USP6NL: variants seen among roughly 807,000 people sequenced by gnomAD.
USP6NL encodes the protein USP6 N-terminal-like protein.
USP6NL carries 26 observed loss-of-function variants against 61.9 expected under a neutral mutation model. That is an observed-to-expected ratio of 0.42 (90% CI 0.31 to 0.58). The LOEUF is 0.58. Ranked by LOEUF, USP6NL falls within the 20% of genes least tolerant of loss-of-function variation. USP6NL has a pLI of 0.16. For synonymous variants in USP6NL, 432 were observed against 390.1 expected (o/e 1.11, Z -1.27); for missense variants, 1,114 against 1,034.3 (o/e 1.08, Z -1.06).
chr10:11,551,705 G>A (rs1836496218), intron 2 of USP6NL, among the ~76,000 whole-genome samples: 1 of 152,150 alleles, frequency 6.6e-6, no homozygotes, highest in Admixed American at 6.5e-5. Flanking sequence ...ACTTAACTAT[G>A]TTTAACGTCT....
rs1838021558 is a variant in USP6NL, at chr10:11,587,677, G to C, written c.4+9954C>G. On this transcript the variant is annotated intron_variant, in intron 2 of 14. Coordinates refer to ENST00000609104, the MANE Select transcript of USP6NL (RefSeq NM_014688.5). This position sits in a 1 kb window ranked among gnomAD's most constrained non-coding sequence, Gnocchi z 4.5. ...TTATAAAATAATTCGATTCAATACTGCTATACTTTATACCTTCATAGCATT... is the reference window on the plus strand; with the variant it reads ...TTATAAAATAATTCGATTCAATACTCCTATACTTTATACCTTCATAGCATT... Among the ~76,000 whole-genome samples, 1 of 152,092 alleles carries C rather than the reference G, an allele frequency of 6.6e-6. No individual in the cohort carries two copies. Among genetic ancestry groups the C allele is most frequent in the African/African-American group, 2.4e-5 (1 of 41,396 alleles).
chr10:11,525,557 T>C lies in USP6NL; in HGVS notation c.73-89A>G, dbSNP rs1209556408. The C allele has an allele frequency of 2.7e-6, 3 of 1,120,848 alleles. No homozygotes were observed. In the East Asian group the frequency reaches 8.6e-5, roughly 32 times the overall value. 69.4% of individuals were successfully genotyped at this position (1,120,848 alleles called of 1,614,324 possible). A position where few individuals can be genotyped will look rare whatever the true frequency, so the allele number is the denominator to read the frequency against. On this transcript the variant is annotated intron_variant, in intron 3 of 14. Transcript: ENST00000609104. The surrounding 1 kb of genome is among the most constrained non-coding windows in gnomAD (Gnocchi z 5.0). ...AAAAGGACGAAGAAATAAGAGCTATTTTTAATGTATTACTAAAAATAAGAG... is the reference window on the plus strand; with the variant it reads ...AAAAGGACGAAGAAATAAGAGCTATCTTTAATGTATTACTAAAAATAAGAG...
chr10:11,525,442 A>C lies in USP6NL; in HGVS notation c.99T>G (p.Pro33=). The C allele has an allele frequency of 6.3e-7, 1 of 1,598,066 alleles. No individual in the cohort carries two copies. Among genetic ancestry groups the C allele is most frequent in the South Asian group, 1.1e-5 (1 of 87,232 alleles). Reference sequence around the variant, plus strand: ...AAACAAGGTAATCAGCATCTTCCCAAGGTTCAATCTCTGCACCTTCTCGTC... The same window carrying C: ...AAACAAGGTAATCAGCATCTTCCCACGGTTCAATCTCTGCACCTTCTCGTC... ...DRGREGAEIE[P]WEDADYLVYK... The change falls in exon 4 of 15, where the codon CCT becomes CCG. Residue 33 remains proline, a synonymous_variant. Coordinates refer to ENST00000609104, the MANE Select transcript of USP6NL (RefSeq NM_014688.5). The surrounding 1 kb of genome is among the most constrained non-coding windows in gnomAD (Gnocchi z 5.0).
chr10:11,466,660 A>G (rs1216891654), intron 14 of USP6NL, among the ~76,000 whole-genome samples: 1 of 152,210 alleles, frequency 6.6e-6, no homozygotes, highest in Admixed American at 6.5e-5. Flanking sequence ...TGACAGGCAT[A>G]TGTTCTGAGA....
intron 2 of USP6NL, among the ~76,000 whole-genome samples, chr10:11,583,731 A>T (rs867895302): frequency 9.3e-4 from 141 of 152,344 alleles, no homozygotes; most frequent in Middle Eastern, 3.4e-3. Context: ...ATTAGTTTTT[A>T]AAAAATTCGT....
At chr10:11,605,935 T>C (rs529478186) in intron 1 of USP6NL, among the ~76,000 whole-genome samples, 2 of 152,052 alleles carry the variant, frequency 1.3e-5, no homozygotes, top group East Asian at 1.9e-4. Flanking sequence ...AGCAAGAGAA[T>C]AGGGAAAAGC....
Position 11,490,299 on chromosome 10 carries a change from G to A in USP6NL, c.543+533C>T, listed in dbSNP as rs1265612247. On this transcript the variant is annotated intron_variant, in intron 9 of 14. Transcript: ENST00000609104. This position sits in a 1 kb window ranked among gnomAD's most constrained non-coding sequence, Gnocchi z 4.5. ...GTCCAACACAAATTAATCTATCCCA[G>A]ATTATCTTCTCCCCCAACAATGCTG... Among the ~76,000 whole-genome samples, 1 of 152,160 alleles carries A rather than the reference G, an allele frequency of 6.6e-6. No homozygotes were observed. The highest frequency in any genetic ancestry group is 1.5e-5 in the Non-Finnish European group (1 of 68,040).
chr10:11,496,930 A>G lies in USP6NL; in HGVS notation c.385-3702T>C, dbSNP rs1405389471. On this transcript the variant is annotated intron_variant, in intron 7 of 14. Transcript: ENST00000609104. This position sits in a 1 kb window ranked among gnomAD's most constrained non-coding sequence, Gnocchi z 5.4. Reference sequence around the variant, plus strand: ...TTAAAACAGGAAGAACAGCCACAGTATGTTTCAGAATTCTCAAGACAGAGG... The same window carrying G: ...TTAAAACAGGAAGAACAGCCACAGTGTGTTTCAGAATTCTCAAGACAGAGG... 6.6e-6 allele frequency among the ~76,000 whole-genome samples: 1 copy of G among 152,124 alleles called. No individual in the cohort carries two copies. The highest frequency in any genetic ancestry group is 1.5e-5 in the Non-Finnish European group (1 of 68,018).
In USP6NL at chr10:11,511,517, A is replaced by C. The variant is rs1332084496; in HGVS notation, c.196-1842T>G. Among the ~76,000 whole-genome samples, 1 of 152,218 alleles carries C rather than the reference A, an allele frequency of 6.6e-6. No individual in the cohort carries two copies. The highest frequency in any genetic ancestry group is 2.4e-5 in the African/African-American group (1 of 41,452). On this transcript the variant is annotated intron_variant, in intron 5 of 14. Coordinates refer to ENST00000609104, the MANE Select transcript of USP6NL (RefSeq NM_014688.5). This position sits in a 1 kb window ranked among gnomAD's most constrained non-coding sequence, Gnocchi z 4.9. Reference sequence around the variant, plus strand: ...TTTTTCCACCAACAGGAAAACACCAAATAATTCAAGCCAACCCAAGAGTAT... The same window carrying C: ...TTTTTCCACCAACAGGAAAACACCACATAATTCAAGCCAACCCAAGAGTAT...
rs1026311425 is a variant in USP6NL, at chr10:11,591,704, T to C, written c.4+5927A>G. ...TTGATAAATCTCACCAAAAGGTATA[T>C]GGAAATTTGGGGTACTATTTTTACA... On this transcript the variant is annotated intron_variant, in intron 2 of 14. Coordinates refer to ENST00000609104, the MANE Select transcript of USP6NL (RefSeq NM_014688.5). The surrounding 1 kb of genome is among the most constrained non-coding windows in gnomAD (Gnocchi z 4.7). Among the ~76,000 whole-genome samples the C allele has an allele frequency of 2.6e-5, 4 of 152,148 alleles. No homozygotes were observed. The highest frequency in any genetic ancestry group is 7.2e-5 in the African/African-American group (3 of 41,442).
chr10:11,583,281 C>T (rs4750069), intron 2 of USP6NL, among the ~76,000 whole-genome samples: 27,151 of 149,920 alleles, frequency 0.18, 2,912 homozygotes, highest in South Asian at 0.24. Context: ...CTCCGCCTCC[C>T]GGGTTCACGC....
In USP6NL at chr10:11,485,896, C is replaced by T. The variant is rs1419341441; in HGVS notation, c.680G>A (p.Gly227Asp). ...TTGAAACCTCAAGAGTTTAGGAAAA[C>T]CTTGGACAAAAAAGCCTAGAATACA... Reference protein sequence around the residue: ...KHAMHGFFVQGFPKLLRFQEH... With the variant: ...KHAMHGFFVQDFPKLLRFQEH... The change falls in exon 11 of 15, where the codon GGT becomes GAT. Residue 227 changes from glycine (G) to aspartate (D), a missense_variant. Physicochemically the swap from Gly to Asp is moderately conservative, Grantham distance 94. Transcript: ENST00000609104. This position sits in a 1 kb window ranked among gnomAD's most constrained non-coding sequence, Gnocchi z 4.8. 6.5e-7 allele frequency: 1 copy of T among 1,548,012 alleles called. No homozygotes were observed. Among genetic ancestry groups the T allele is most frequent in the Non-Finnish European group, 8.7e-7 (1 of 1,147,070 alleles).
chr10:11,610,539 G>A (rs537611345), intron 1 of USP6NL, among the ~76,000 whole-genome samples: 2 of 151,828 alleles, frequency 1.3e-5, no homozygotes, highest in South Asian at 4.2e-4. Context: ...TCCCAAAGGT[G>A]TAATTATTTT....
chr10:11,524,960 T>C (rs1445154300), intron 4 of USP6NL, among the ~76,000 whole-genome samples: 1 of 152,208 alleles, frequency 6.6e-6, no homozygotes, highest in East Asian at 1.9e-4. Context: ...ATATTATGAA[T>C]ACATTTATAA....
rs899019553 is a variant in USP6NL, at chr10:11,589,756, C to T, written c.4+7875G>A. Among the ~76,000 whole-genome samples, 2 of 152,170 alleles carry T rather than the reference C, an allele frequency of 1.3e-5. No homozygotes were observed. Among genetic ancestry groups the T allele is most frequent in the Non-Finnish European group, 2.9e-5 (2 of 68,032 alleles). The stretch of plus-strand genomic sequence containing the variant: ...AAAAAGACATTGTGACGCCAAATGC[C>T]CCACAATATAAATGTTAATGAATAT... On this transcript the variant is annotated intron_variant, in intron 2 of 14. Coordinates refer to ENST00000609104, the MANE Select transcript of USP6NL (RefSeq NM_014688.5). This position sits in a 1 kb window ranked among gnomAD's most constrained non-coding sequence, Gnocchi z 4.7.
In USP6NL at chr10:11,462,779, G is replaced by T; in HGVS notation, c.2149C>A (p.Pro717Thr). 1.2e-6 allele frequency: 2 copies of T among 1,613,952 alleles called. No individual in the cohort carries two copies. Among genetic ancestry groups the T allele is most frequent in the South Asian group, 2.2e-5 (2 of 91,072 alleles). ...GGAATGATCAATTTTCCATTCTTTG[G>T]TGACCCTGAATTGCCCGAATATCCC... is the stretch of plus-strand genomic sequence containing the variant. The part of the protein sequence containing the change: ...AGGYSGNSGS[P>T]KNGKLIIPPV... Residue 717 changes from proline (P) to threonine (T), a missense_variant, in exon 15 of 15, where the codon CCA becomes ACA. Transcript: ENST00000609104.
chr10:11,555,104 T>TTG lies in USP6NL; in HGVS notation c.5-27538_5-27537insCA, dbSNP rs1555171029. ...CCGCGCCTGGCCTGTTTTTTTTTTT[T>TTG]TTTGGTTTTTTTTTTTAAGAATCCT... On this transcript the variant is annotated intron_variant, in intron 2 of 14. Transcript: ENST00000609104. 5.5e-4 allele frequency among the ~76,000 whole-genome samples: 77 copies of TTG among 139,966 alleles called. No individual in the cohort carries two copies. In the East Asian group the frequency reaches 7.6e-3, roughly 14 times the overall value. 91.8% of individuals were successfully genotyped at this position (139,966 alleles called of 152,430 possible).
Position 11,611,520 on chromosome 10 carries a change from G to T in USP6NL, c.-161C>A. On this transcript the variant is annotated 5_prime_UTR_variant, in exon 1 of 15. Transcript: ENST00000609104. The surrounding 1 kb of genome is among the most constrained non-coding windows in gnomAD (Gnocchi z 5.3). Reference sequence around the variant, plus strand: ...CCGGGCGGCCGAGCAGATCCGGCGCGGCGCGGCGCGGCGGCGGCGGCGGCT... The same window carrying T: ...CCGGGCGGCCGAGCAGATCCGGCGCTGCGCGGCGCGGCGGCGGCGGCGGCT... The T allele has an allele frequency of 6.2e-6, 1 of 161,094 alleles. No homozygotes were observed. The highest frequency in any genetic ancestry group is 1.7e-4 in the South Asian group (1 of 5,796). 10.0% of individuals were successfully genotyped at this position (161,094 alleles called of 1,614,324 possible). A position where few individuals can be genotyped will look rare whatever the true frequency, so the allele number is the denominator to read the frequency against.
chr10:11,493,339 A>C, intron 7 of USP6NL, 111 bp from the exon 8 acceptor site: 1 of 858,168 alleles, frequency 1.2e-6, no homozygotes. Flanking sequence ...AAAATCACTC[A>C]ATGGTTAAAA....
Sources: allele counts gnomAD v4.1 joint callset (sites outside exome capture counted in the v4.1 genomes callset), GRCh38; gene constraint gnomAD v4.1.1; non-coding constraint Gnocchi (gnomAD v3.1); transcripts MANE v1.5; gene names NCBI Gene and HGNC (gene_info 2026-07-23, HGNC 2026-07-21).